PCDH11X: variants seen among roughly 807,000 people sequenced by gnomAD.
PCDH11X encodes the protein protocadherin 11 X-linked, also known as protocadherin-11 X-linked.
PCDH11X carries 18 observed loss-of-function variants against 53.3 expected under a neutral mutation model. The observed-to-expected ratio is 0.34, with a 90% CI of 0.23 to 0.50. The LOEUF is 0.50. Ranked by LOEUF, PCDH11X falls within the 20% of genes least tolerant of loss-of-function variation. The pLI is 0.98. For synonymous variants in PCDH11X, 279 were observed against 393.3 expected (o/e 0.71, Z 3.44); for missense variants, 570 against 1,032.4 (o/e 0.55, Z 6.14).
chrX:92,317,299 T>C (rs1055452430), intron 8 of PCDH11X, among the ~76,000 whole-genome samples: 4 of 109,811 alleles, frequency 3.6e-5, no homozygotes, highest in African/African-American at 1.3e-4. Context: ...AATATGTGTT[T>C]CCACATTCCT....
chrX:91,994,781 C>T (rs193167285), intron 6 of PCDH11X, among the ~76,000 whole-genome samples: 3 of 111,377 alleles, frequency 2.7e-5, no homozygotes, highest in Non-Finnish European at 5.7e-5. Context: ...CAAGGGTTCC[C>T]TATTCCCCCC....
intron 10 of PCDH11X, among the ~76,000 whole-genome samples, chrX:92,554,801 G>C (rs1291890083): frequency 8.2e-5 from 9 of 110,301 alleles, no homozygotes; most frequent in Non-Finnish European, 1.7e-4. Flanking sequence ...AATGTGAACT[G>C]TGAACTAAGA....
intron 8 of PCDH11X, among the ~76,000 whole-genome samples, chrX:92,344,773 TG>T (rs1478724132): frequency 9.3e-6 from 1 of 107,489 alleles, no homozygotes; most frequent in Non-Finnish European, 1.9e-5. Flanking sequence ...AACTCAGTGG[TG>T]AATAAGAAAT....
At chrX:91,903,428 G>C (rs1475410746) in intron 6 of PCDH11X, among the ~76,000 whole-genome samples, 1 of 111,281 alleles carries the variant, frequency 9.0e-6, no homozygotes, top group South Asian at 3.8e-4. Flanking sequence ...CCATGGTGTG[G>C]TCTTGTGCTT....
intron 6 of PCDH11X, among the ~76,000 whole-genome samples, chrX:92,138,898 C>T (rs1156584809): frequency 9.1e-6 from 1 of 109,738 alleles, no homozygotes. Flanking sequence ...AAAGAAATCT[C>T]AAAGTGAGGC....
At position 91,835,524 on chromosome X, in the gene PCDH11X, C is replaced by T. The variant is rs1439863310; in HGVS notation, c.20C>T (p.Thr7Met). The change falls in exon 5 of 11, where the codon ACG becomes ATG. Residue 7 changes from threonine (T) to methionine (M), a missense_variant. Physicochemically the swap from Thr to Met is moderately conservative, Grantham distance 81 (BLOSUM62 -1). Around this residue, in one of 6 missense-constraint regions of PCDH11X, gnomAD observed 84 missense variants for 142.0 expected, o/e 0.59. Coordinates refer to ENST00000682573, the MANE Select transcript of PCDH11X (RefSeq NM_032968.5). ...CCTGGTATGGACTTGTTGTCCGGGA[C>T]GTACATTTTCGCGGTCCTGCTAGCA... MDLLSG[T>M]YIFAVLLACV... 3.3e-6 allele frequency: 4 copies of T among 1,208,950 alleles called. No homozygotes were observed. Among genetic ancestry groups the T allele is most frequent in the African/African-American group, 3.5e-5 (2 of 56,788 alleles).
At chrX:92,184,989 A>G (rs1459230202) in intron 6 of PCDH11X, among the ~76,000 whole-genome samples, 1 of 111,965 alleles carries the variant, frequency 8.9e-6, no homozygotes, top group African/African-American at 3.2e-5. Flanking sequence ...ACTCATTGCA[A>G]TCTTCCAGAT....
chrX:92,198,396 G>A (rs1400549819), intron 6 of PCDH11X, among the ~76,000 whole-genome samples: 1 of 65,147 alleles, frequency 1.5e-5, no homozygotes, highest in Non-Finnish European at 2.6e-5. Context: ...AGGTGACAGA[G>A]TGAGATCCTG....
intron 6 of PCDH11X, among the ~76,000 whole-genome samples, chrX:91,908,656 T>A (rs1420056633): frequency 9.3e-6 from 1 of 107,938 alleles, no homozygotes; most frequent in Non-Finnish European, 1.9e-5. Flanking sequence ...ATACACAGAT[T>A]AGCTGGGCAT....
chrX:92,521,248 T>C (rs1739033183), intron 10 of PCDH11X, among the ~76,000 whole-genome samples: 1 of 112,260 alleles, frequency 8.9e-6, no homozygotes, highest in Non-Finnish European at 1.9e-5. Flanking sequence ...ACTAATGAGA[T>C]TTGAATATCA....
chrX:91,936,535 C>A (rs1209282259), intron 6 of PCDH11X, among the ~76,000 whole-genome samples: 3 of 106,816 alleles, frequency 2.8e-5, no homozygotes, highest in Non-Finnish European at 5.8e-5. Flanking sequence ...TTTTTGAAAT[C>A]AAAACATTTA....
At chrX:92,086,694 T>C (rs1161868659) in intron 6 of PCDH11X, among the ~76,000 whole-genome samples, 1 of 110,971 alleles carries the variant, frequency 9.0e-6, no homozygotes, top group African/African-American at 3.3e-5. Flanking sequence ...ATACGAAACT[T>C]TTTTTGATGA....
intron 6 of PCDH11X, among the ~76,000 whole-genome samples, chrX:91,985,354 A>C (rs2062212827): frequency 9.0e-6 from 1 of 110,770 alleles, no homozygotes; most frequent in Non-Finnish European, 1.9e-5. Flanking sequence ...AAAATACAAA[A>C]ATTAGCTGGG....
At chrX:92,014,820 G>A (rs2147987791) in intron 6 of PCDH11X, among the ~76,000 whole-genome samples, 1 of 111,223 alleles carries the variant, frequency 9.0e-6, no homozygotes, top group Admixed American at 9.6e-5. Context: ...TCACTCATAG[G>A]TGGGAATTGA....
intron 4 of PCDH11X, among the ~76,000 whole-genome samples, chrX:91,825,239 G>C (rs13362939): frequency 0.097 from 10,430 of 108,050 alleles, 1,810 homozygotes; most frequent in African/African-American, 0.36. Context: ...TTTACCTAAG[G>C]AAGCCTGGGC....
intron 10 of PCDH11X, among the ~76,000 whole-genome samples, chrX:92,589,034 A>G (rs976810526): frequency 9.0e-6 from 1 of 111,571 alleles, no homozygotes; most frequent in African/African-American, 3.3e-5. Context: ...CTAACAGGAA[A>G]CAAAACAAAA....
chrX:92,422,134 CTTT>C (rs67131959), intron 9 of PCDH11X, among the ~76,000 whole-genome samples: 1 of 86,321 alleles, frequency 1.2e-5, no homozygotes, highest in African/African-American at 4.3e-5. Context: ...AATTTCTTTT[CTTT>C]TTTTTTTTTT....
At chrX:92,420,021 T>G (rs1223460302) in intron 9 of PCDH11X, among the ~76,000 whole-genome samples, 1 of 111,329 alleles carries the variant, frequency 9.0e-6, no homozygotes, top group Non-Finnish European at 1.9e-5. Flanking sequence ...GATTTGTTTT[T>G]CATATTCCAC....
intron 1 of PCDH11X, among the ~76,000 whole-genome samples, chrX:91,793,181 C>T (rs1935614161): frequency 9.3e-6 from 1 of 108,095 alleles, no homozygotes; most frequent in Non-Finnish European, 1.9e-5. Context: ...ATATTTTTAA[C>T]ATATGAGGAA....
Sources: allele counts gnomAD v4.1 joint callset (sites outside exome capture counted in the v4.1 genomes callset), GRCh38; gene constraint gnomAD v4.1.1; regional missense constraint gnomAD v4.1.1; transcripts MANE v1.5; gene names NCBI Gene and HGNC (gene_info 2026-07-23, HGNC 2026-07-21).